Variants in ANKRD30B observed in about 807,000 individuals in gnomAD.
ANKRD30B encodes ankyrin repeat domain 30B, also known as ankyrin repeat domain-containing protein 30B.
In ANKRD30B, 144 loss-of-function variants were observed where a neutral mutation model predicts 202.2. The ratio of observed to expected loss-of-function variants is 0.71; its 90% confidence interval spans 0.62 to 0.82. ANKRD30B has a LOEUF of 0.82. Ranked by LOEUF, ANKRD30B falls within the 40% of genes least tolerant of loss-of-function variation. The pLI, the probability that ANKRD30B is intolerant of heterozygous loss-of-function variation, is 0.00. For synonymous variants in ANKRD30B, 508 were observed against 561.3 expected (o/e 0.91, Z 1.34); for missense variants, 1,487 against 1,669.1 (o/e 0.89, Z 1.90).
At position 14,842,549 on chromosome 18, in the gene ANKRD30B, C is replaced by A. The variant is rs1423633248; in HGVS notation, c.3080-348C>A. On this transcript the variant is annotated intron_variant, in intron 37 of 43. Coordinates refer to ENST00000690538, the MANE Select transcript of ANKRD30B (RefSeq NM_001367607.2). ...ATATGGCGTAGGATTCTATATTCAG[C>A]TTTGACATTTATTTTTTCTGGGTCA... Among the ~76,000 whole-genome samples, 9 of 152,272 alleles carry A rather than the reference C, an allele frequency of 5.9e-5. No homozygotes were observed. In the South Asian group the frequency reaches 1.0e-3, roughly 18 times the overall value.
intron 39 of ANKRD30B, among the ~76,000 whole-genome samples, chr18:14,848,182 ATCT>A (rs1971733816): frequency 6.6e-6 from 1 of 151,876 alleles, no homozygotes; most frequent in Admixed American, 6.6e-5. Context: ...AGGGACTATC[ATCT>A]TCTTTGCCTA....
the ANKRD30B span, among the ~76,000 whole-genome samples, chr18:14,879,692 G>C: frequency 6.6e-6 from 1 of 151,694 alleles, no homozygotes; most frequent in African/African-American, 2.4e-5. Flanking sequence ...TTAGGGGTTA[G>C]GGTGAGGGTG....
chr18:14,892,663 C>T, the ANKRD30B span, among the ~76,000 whole-genome samples: 4 of 145,964 alleles, frequency 2.7e-5, no homozygotes, highest in African/African-American at 1.0e-4. Flanking sequence ...TTGCTTGAAC[C>T]CAGAAGGTGG....
chr18:14,771,773 C>G (rs548819531), intron 8 of ANKRD30B, among the ~76,000 whole-genome samples: 2 of 152,180 alleles, frequency 1.3e-5, no homozygotes, highest in South Asian at 2.1e-4. Context: ...CAAGTTTGTT[C>G]CAGTTTATAT....
At chr18:14,936,309 G>T in the ANKRD30B span, among the ~76,000 whole-genome samples, 3 of 152,294 alleles carry the variant, frequency 2.0e-5, no homozygotes, top group South Asian at 6.2e-4. Flanking sequence ...TACTGTGTGA[G>T]ATTTTTGAGG....
At chr18:14,926,207 C>T in the ANKRD30B span, among the ~76,000 whole-genome samples, 2 of 152,044 alleles carry the variant, frequency 1.3e-5, no homozygotes, top group Non-Finnish European at 2.9e-5. Context: ...TAAAAAGGTC[C>T]AGCAAATAGA....
chr18:14,867,155 G>A, the ANKRD30B span, among the ~76,000 whole-genome samples: 1 of 150,626 alleles, frequency 6.6e-6, no homozygotes, highest in Non-Finnish European at 1.5e-5. Context: ...CGGGTTTGAT[G>A]GGGCACTATT....
chr18:14,831,201 C>G (rs868754077), intron 33 of ANKRD30B, among the ~76,000 whole-genome samples, 182 bp from the exon 34 acceptor site: 1 of 70,634 alleles, frequency 1.4e-5, no homozygotes, highest in African/African-American at 6.0e-5. Flanking sequence ...AAAAAAAAAA[C>G]GAAAACCAGA....
At chr18:14,935,955 A>T in the ANKRD30B span, among the ~76,000 whole-genome samples, 32 of 152,226 alleles carry the variant, frequency 2.1e-4, no homozygotes, top group African/African-American at 7.2e-4. Flanking sequence ...TAAGGAGTGA[A>T]CTCTTGAAAA....
At chr18:14,877,897 T>G in the ANKRD30B span, 1 of 152,282 alleles carries the variant, frequency 6.6e-6, no homozygotes, top group Admixed American at 6.5e-5. Context: ...GATCTGTTCG[T>G]GACCCTGTTA....
At chr18:14,897,479 C>T in the ANKRD30B span, among the ~76,000 whole-genome samples, 3 of 151,874 alleles carry the variant, frequency 2.0e-5, no homozygotes, top group African/African-American at 4.8e-5. Flanking sequence ...CCATGCCCGC[C>T]CCTAGCTGTA....
At chr18:14,791,180 G>GATTTTCT (rs1304486572) in intron 15 of ANKRD30B, among the ~76,000 whole-genome samples, 1 of 152,186 alleles carries the variant, frequency 6.6e-6, no homozygotes, top group Non-Finnish European at 1.5e-5. Flanking sequence ...TATTTGTGTA[G>GATTTTCT]AGGTGTTTAT....
chr18:14,897,844 A>C, the ANKRD30B span, among the ~76,000 whole-genome samples: 1 of 152,100 alleles, frequency 6.6e-6, no homozygotes, highest in Non-Finnish European at 1.5e-5. Context: ...GAATCTGCTC[A>C]TTTTTCTTCA....
chr18:14,906,072 A>G, the ANKRD30B span, among the ~76,000 whole-genome samples: 1 of 151,914 alleles, frequency 6.6e-6, no homozygotes, highest in African/African-American at 2.4e-5. Context: ...CCTCAGACTC[A>G]ATTCAAGTCA....
chr18:14,844,735 T>C (rs1971561802), intron 39 of ANKRD30B, among the ~76,000 whole-genome samples: 1 of 152,210 alleles, frequency 6.6e-6, no homozygotes, highest in Non-Finnish European at 1.5e-5. Flanking sequence ...CCACAGCCTC[T>C]CCAGCACCTG....
chr18:14,771,675 T>C (rs1407671854), intron 8 of ANKRD30B, among the ~76,000 whole-genome samples: 2 of 152,204 alleles, frequency 1.3e-5, no homozygotes, highest in Admixed American at 1.3e-4. Context: ...AATGTCATTT[T>C]CCAGTGACAC....
At chr18:14,828,958 T>A (rs1480255621) in intron 33 of ANKRD30B, among the ~76,000 whole-genome samples, 1 of 152,220 alleles carries the variant, frequency 6.6e-6, no homozygotes, top group Non-Finnish European at 1.5e-5. Context: ...AGGCTATTTC[T>A]TATAGAATTC....
chr18:14,842,810 A>T, intron 37 of ANKRD30B, 87 bp from the exon 38 acceptor site: 1 of 1,273,480 alleles, frequency 7.9e-7, no homozygotes, highest in Non-Finnish European at 1.1e-6. Context: ...GCTGAGAAAA[A>T]GGACTTAGAT....
At chr18:14,890,162 G>A in the ANKRD30B span, 2 of 689,020 alleles carry the variant, frequency 2.9e-6, no homozygotes, top group South Asian at 3.2e-5. Context: ...ATGGCCATTT[G>A]TTCTTATTTC....
Sources: gnomAD v4.1 joint callset for allele counts (sites outside exome capture counted in the v4.1 genomes callset) on GRCh38, gnomAD v4.1.1 for gene constraint, MANE v1.5 for transcripts, NCBI Gene and HGNC (gene_info 2026-07-23, HGNC 2026-07-21) for gene names.